Variants in VWC2L observed in about 807,000 individuals in gnomAD.
VWC2L encodes the protein von Willebrand factor C domain containing 2 like.
A neutral mutation model predicts 21.6 loss-of-function variants in VWC2L; 10 were observed. The ratio of observed to expected loss-of-function variants is 0.46; its 90% CI spans 0.29 to 0.78. VWC2L has a LOEUF of 0.78. Among genes scored for constraint, VWC2L ranks in the 30% least tolerant of loss-of-function variants. The pLI, the probability that VWC2L is intolerant of heterozygous loss-of-function variation, is 0.10. For missense variants in VWC2L, 209 were observed against 277.1 expected (o/e 0.75, Z 1.74); for synonymous variants, 96 against 94.3 (o/e 1.02, Z -0.10).
chr2:214,447,266 C>CA (rs1221760782), intron 3 of VWC2L, among the ~76,000 whole-genome samples: 2 of 152,092 alleles, frequency 1.3e-5, no homozygotes, highest in Admixed American at 1.3e-4. Context: ...AGGTGCAATA[C>CA]AACTCCTCAG....
chr2:214,552,057 G>A lies in VWC2L; in HGVS notation c.521-23615G>A, dbSNP rs201443743. On this transcript the variant is annotated intron_variant, in intron 3 of 3. Transcript: ENST00000312504. ...TGTGGTTTAGTGTTTAAGGCCTGAT[G>A]TTGCTCATTTCTAACAAGCTCTCTT... Among the ~76,000 whole-genome samples the A allele has an allele frequency of 2.0e-5, 3 of 152,190 alleles. No individual in the cohort carries two copies. In the East Asian group the frequency reaches 5.8e-4, roughly 29 times the overall value.
chr2:214,454,010 C>T (rs535464301), intron 3 of VWC2L, among the ~76,000 whole-genome samples: 13 of 152,158 alleles, frequency 8.5e-5, no homozygotes, highest in South Asian at 2.1e-4. Context: ...AGTGAGCCAC[C>T]GCGCCCAGCC....
chr2:214,498,729 CATATACATATT>C (rs1341323896), intron 3 of VWC2L, among the ~76,000 whole-genome samples: 1 of 79,620 alleles, frequency 1.3e-5, no homozygotes, highest in Non-Finnish European at 3.1e-5. Flanking sequence ...ATATATTATA[CATATACATATT>C]TTTATATGTG....
chr2:214,441,098 C>A (rs1702758162), intron 3 of VWC2L, among the ~76,000 whole-genome samples: 1 of 152,098 alleles, frequency 6.6e-6, no homozygotes, highest in Non-Finnish European at 1.5e-5. Context: ...TCACTCTCTT[C>A]TAGTTTAGTA....
rs548311749 is a variant in VWC2L, at chr2:214,560,709, C to T, written c.521-14963C>T. Among the ~76,000 whole-genome samples the T allele has an allele frequency of 1.2e-4, 18 of 152,206 alleles. No individual in the cohort carries two copies. In the East Asian group the frequency reaches 1.4e-3, roughly 11 times the overall value. On this transcript the variant is annotated intron_variant, in intron 3 of 3. Transcript: ENST00000312504. ...CTATTTTCTGTCCAGTGATAACTGG[C>T]TTGTTTTTCAGTAAGTGAGGTCATT...
chr2:214,518,548 A>G (rs970068706), intron 3 of VWC2L, among the ~76,000 whole-genome samples: 2 of 152,206 alleles, frequency 1.3e-5, no homozygotes, highest in Non-Finnish European at 2.9e-5. Context: ...GGACTAGCAC[A>G]AGAAATACTG....
chr2:214,477,209 A>G (rs1477066811), intron 3 of VWC2L, among the ~76,000 whole-genome samples: 1 of 152,034 alleles, frequency 6.6e-6, no homozygotes, highest in South Asian at 2.1e-4. Flanking sequence ...TGAACACTTC[A>G]CTCCCTGATA....
At chr2:214,476,318 T>G (rs1422166907) in intron 3 of VWC2L, among the ~76,000 whole-genome samples, 1 of 152,218 alleles carries the variant, frequency 6.6e-6, no homozygotes, top group Non-Finnish European at 1.5e-5. Context: ...TGATAGTTTA[T>G]ATAGTTTTTA....
At chr2:214,454,313 G>C (rs1703021504) in intron 3 of VWC2L, among the ~76,000 whole-genome samples, 1 of 152,074 alleles carries the variant, frequency 6.6e-6, no homozygotes, top group African/African-American at 2.4e-5. Flanking sequence ...ATACAACGTT[G>C]AATAGAGATG....
intron 3 of VWC2L, among the ~76,000 whole-genome samples, chr2:214,561,070 T>C (rs1301194383): frequency 6.6e-6 from 1 of 152,236 alleles, no homozygotes; most frequent in Non-Finnish European, 1.5e-5. Flanking sequence ...CACTGCCTTA[T>C]TCTAAAGCAG....
intron 3 of VWC2L, chr2:214,473,754 G>C (rs1703343304): frequency 7.2e-6 from 1 of 138,464 alleles, no homozygotes; most frequent in South Asian, 2.5e-4. Context: ...GGTGCTCTCA[G>C]GTACAGCGCA....
intron 3 of VWC2L, among the ~76,000 whole-genome samples, chr2:214,536,154 A>G (rs746825344): frequency 2.2e-4 from 33 of 152,078 alleles, no homozygotes; most frequent in Non-Finnish European, 4.1e-4. Context: ...TCAGTAAATA[A>G]CTTGTTGGAA....
intron 3 of VWC2L, among the ~76,000 whole-genome samples, chr2:214,470,243 C>A (rs1574582446): frequency 6.7e-6 from 1 of 148,480 alleles, no homozygotes; most frequent in African/African-American, 2.5e-5. Context: ...GAAAAGAAAA[C>A]CCAAAGATGG....
chr2:214,443,827 C>T (rs1160514881), intron 3 of VWC2L, among the ~76,000 whole-genome samples: 1 of 151,978 alleles, frequency 6.6e-6, no homozygotes, highest in Admixed American at 6.6e-5. Context: ...TACATACATA[C>T]TAGCTAATGT....
At chr2:214,565,800 C>T (rs760472830) in intron 3 of VWC2L, among the ~76,000 whole-genome samples, 1 of 152,108 alleles carries the variant, frequency 6.6e-6, no homozygotes, top group Non-Finnish European at 1.5e-5. Context: ...TATGTGAATT[C>T]ATTTGTTCCT....
chr2:214,522,713 A>G (rs1383184600), intron 3 of VWC2L, among the ~76,000 whole-genome samples: 1 of 152,226 alleles, frequency 6.6e-6, no homozygotes, highest in Admixed American at 6.5e-5. Flanking sequence ...TTTTTAAAAC[A>G]TACTACCTAA....
At chr2:214,520,897 A>C (rs1373065176) in intron 3 of VWC2L, among the ~76,000 whole-genome samples, 1 of 152,100 alleles carries the variant, frequency 6.6e-6, no homozygotes, top group Non-Finnish European at 1.5e-5. Context: ...TATATCATTA[A>C]TAATAATAGT....
chr2:214,460,040 T>C (rs1367306705), intron 3 of VWC2L, among the ~76,000 whole-genome samples: 1 of 151,868 alleles, frequency 6.6e-6, no homozygotes, highest in African/African-American at 2.4e-5. Context: ...CGCGAGTAGT[T>C]GGGATTACAG....
At chr2:214,477,593 G>C (rs1191218521) in intron 3 of VWC2L, among the ~76,000 whole-genome samples, 2 of 152,222 alleles carry the variant, frequency 1.3e-5, no homozygotes, top group Non-Finnish European at 2.9e-5. Context: ...CTTTACCAAG[G>C]AGCTTAATCC....
Sources: allele counts gnomAD v4.1 joint callset (sites outside exome capture counted in the v4.1 genomes callset), GRCh38; gene constraint gnomAD v4.1.1; transcripts MANE v1.5; gene names NCBI Gene and HGNC (gene_info 2026-07-23, HGNC 2026-07-21).